The following TRIM61 variants were observed in gnomAD, a reference collection of about 807,000 sequenced individuals.
TRIM61 encodes putative tripartite motif-containing protein 61.
TRIM61 carries 1 observed loss-of-function variant against 14.2 expected under a neutral mutation model. The observed-to-expected ratio is 0.07, with a 90% CI of 0.03 to 0.33. The LOEUF is 0.33. Among genes scored for constraint, TRIM61 ranks in the 10% least tolerant of loss-of-function variants. The pLI is 0.99. For synonymous variants in TRIM61, 8 were observed against 71.6 expected (o/e 0.11, Z 4.49); for missense variants, 19 against 202.2 (o/e 0.09, Z 5.49).
chr4:164,974,839 ACT>A (rs1296890916), intron 2 of TRIM61, among the ~76,000 whole-genome samples: 1 of 152,220 alleles, frequency 6.6e-6, no homozygotes, highest in Non-Finnish European at 1.5e-5. Flanking sequence ...TCAAATGGGT[ACT>A]GTTGAGCAGA....
At chr4:164,963,466 A>C (rs1732176383) in intron 3 of TRIM61, among the ~76,000 whole-genome samples, 1 of 152,140 alleles carries the variant, frequency 6.6e-6, no homozygotes, top group Non-Finnish European at 1.5e-5. Context: ...AAATCACACA[A>C]ATGACAGGGC....
chr4:164,976,028 T>C (rs1324371154), intron 2 of TRIM61, among the ~76,000 whole-genome samples: 4 of 152,290 alleles, frequency 2.6e-5, no homozygotes, highest in South Asian at 2.1e-4. Flanking sequence ...GCTGAGATGT[T>C]TGGGTGGAGA....
chr4:164,964,337 G>C (rs1732194889), intron 3 of TRIM61, among the ~76,000 whole-genome samples: 1 of 142,022 alleles, frequency 7.0e-6, no homozygotes, highest in African/African-American at 2.7e-5. Context: ...GACAGAGCGA[G>C]ACTCTGTCTC....
intron 2 of TRIM61, among the ~76,000 whole-genome samples, chr4:164,976,033 T>C (rs986164351): frequency 3.3e-5 from 5 of 152,086 alleles, no homozygotes; most frequent in Non-Finnish European, 4.4e-5. Context: ...GATGTTTGGG[T>C]GGAGAGAAAC....
intron 3 of TRIM61, chr4:164,969,288 T>C: frequency 6.8e-7 from 1 of 1,460,194 alleles, no homozygotes; most frequent in Non-Finnish European, 9.0e-7. Context: ...ACATATATGC[T>C]CTCTATCTCC....
Position 164,967,838 on chromosome 4 carries a change from T to TA in TRIM61, c.525+1639dup, listed in dbSNP as rs755202669. 9.7e-4 allele frequency among the ~76,000 whole-genome samples: 136 copies of TA among 140,284 alleles called. 2 individuals are homozygous for TA. Among genetic ancestry groups the TA allele is most frequent in the Admixed American group, 2.4e-3 (33 of 13,996 alleles). 92.0% of individuals were successfully genotyped at this position (140,284 alleles called of 152,430 possible). ...AAAATAGAAAAATAAAAACTTTAGT[T>TA]AAAAAAAAAAAAAGGCTGAAAGTAG... On this transcript the variant is annotated intron_variant, in intron 3 of 4. Coordinates refer to ENST00000329314, the MANE Select transcript of TRIM61 (RefSeq NM_001012414.3).
intron 3 of TRIM61, among the ~76,000 whole-genome samples, chr4:164,964,182 T>C (rs901675851): frequency 2.0e-5 from 3 of 151,622 alleles, no homozygotes; most frequent in Non-Finnish European, 4.4e-5. Context: ...ACCCCATCTC[T>C]ATTAAAAATA....
intron 2 of TRIM61, among the ~76,000 whole-genome samples, chr4:164,970,706 G>C (rs1732346176): frequency 6.6e-6 from 1 of 151,754 alleles, no homozygotes; most frequent in Non-Finnish European, 1.5e-5. Flanking sequence ...TAAAAAAAAA[G>C]GTTTCTACAT....
intron 3 of TRIM61, among the ~76,000 whole-genome samples, chr4:164,964,231 C>T (rs1208907540): frequency 6.6e-6 from 1 of 151,112 alleles, no homozygotes; most frequent in Non-Finnish European, 1.5e-5. Context: ...GCATGTAGTC[C>T]CAGCTACTTG....
Position 164,969,228 on chromosome 4 carries a change from A to G in TRIM61, c.525+250T>C, listed in dbSNP as rs1438362150. The G allele has an allele frequency of 9.7e-6, 13 of 1,344,228 alleles. No individual in the cohort carries two copies. In the East Asian group the frequency reaches 2.8e-4, roughly 29 times the overall value. 83.3% of individuals were successfully genotyped at this position (1,344,228 alleles called of 1,614,324 possible). A position where few individuals can be genotyped will look rare whatever the true frequency, so the allele number is the denominator to read the frequency against. Reference sequence around the variant, plus strand: ...AGCTCAGGGAATTTTAAATTCTCATATCTGTGATAGATATCCTTAACATTT... The same window carrying G: ...AGCTCAGGGAATTTTAAATTCTCATGTCTGTGATAGATATCCTTAACATTT... On this transcript the variant is annotated intron_variant, in intron 3 of 4. Coordinates refer to ENST00000329314, the MANE Select transcript of TRIM61 (RefSeq NM_001012414.3).
chr4:164,963,530 G>A (rs1475508482), intron 3 of TRIM61, among the ~76,000 whole-genome samples: 4 of 152,056 alleles, frequency 2.6e-5, no homozygotes, highest in Non-Finnish European at 5.9e-5. Flanking sequence ...GATCACCTGA[G>A]GTCAGGAGTT....
chr4:164,954,925 A>G, intron 4 of TRIM61: 1 of 280,512 alleles, frequency 3.6e-6, no homozygotes. Context: ...ACATGATGAA[A>G]CCCTGTCTCT....
chr4:164,956,954 A>G, intron 3 of TRIM61: 1 of 1,407,616 alleles, frequency 7.1e-7, no homozygotes, highest in Non-Finnish European at 9.4e-7. Context: ...CTGGGCTTCG[A>G]CTTCCGGGTG....
At chr4:164,964,470 C>A (rs927074399) in intron 3 of TRIM61, among the ~76,000 whole-genome samples, 1 of 151,302 alleles carries the variant, frequency 6.6e-6, no homozygotes, top group Non-Finnish European at 1.5e-5. Flanking sequence ...AAATTGGAAA[C>A]GAGAGAAAAA....
At chr4:164,957,007 C>G in intron 3 of TRIM61, 1 of 1,479,168 alleles carries the variant, frequency 6.8e-7, no homozygotes, top group South Asian at 1.4e-5. Flanking sequence ...CGGGGCAGCG[C>G]CATGTACCAC....
chr4:164,974,348 T>C (rs761671510), intron 2 of TRIM61, among the ~76,000 whole-genome samples: 8 of 152,184 alleles, frequency 5.3e-5, no homozygotes, highest in Non-Finnish European at 8.8e-5. Context: ...TTAAAATACA[T>C]CCTTTATTTT....
At chr4:164,961,153 CAAAAAAAAAAAAAAAAAAAA>C (rs762554625) in intron 3 of TRIM61, among the ~76,000 whole-genome samples, 108 of 31,700 alleles carry the variant, frequency 3.4e-3, no homozygotes, top group Admixed American at 9.2e-3. Context: ...AACTCTCAGG[CAAAAAAAAAAAAAAAAAAAA>C]AAAAAAAAAA....
intron 3 of TRIM61, among the ~76,000 whole-genome samples, chr4:164,961,153 CAAAAAAAAAAAAAAAAAAAAAAAAAAAAA>C (rs762554625): frequency 4.4e-4 from 14 of 31,718 alleles, no homozygotes; most frequent in African/African-American, 1.5e-3. Flanking sequence ...AACTCTCAGG[CAAAAAAAAAAAAAAAAAAAAAAAAAAAAA>C]AAAAAAAAAA....
intron 3 of TRIM61, chr4:164,957,040 G>A: frequency 6.7e-7 from 1 of 1,499,438 alleles, no homozygotes; most frequent in Non-Finnish European, 8.9e-7. Flanking sequence ...GATGCGCGGT[G>A]CGGCGGGGCA....
Sources: allele counts gnomAD v4.1 joint callset (sites outside exome capture counted in the v4.1 genomes callset), GRCh38; gene constraint gnomAD v4.1.1; transcripts MANE v1.5; gene names NCBI Gene and HGNC (gene_info 2026-07-23, HGNC 2026-07-21).